Variants in SLC26A7 observed in about 807,000 individuals in gnomAD.
SLC26A7 encodes anion exchange transporter.
SLC26A7 carries 59 observed loss-of-function variants against 82.5 expected under a neutral mutation model. The observed-to-expected ratio is 0.72, with a 90% CI of 0.58 to 0.89. The LOEUF is 0.89. SLC26A7 is among the 40% of genes least tolerant of loss of function. The pLI is 0.00. For missense variants in SLC26A7, 820 were observed against 793.0 expected (o/e 1.03, Z -0.41); for synonymous variants, 271 against 274.3 (o/e 0.99, Z 0.12).
intron 2 of SLC26A7, among the ~76,000 whole-genome samples, chr8:91,234,485 T>C (rs982831792): frequency 4.6e-5 from 7 of 152,086 alleles, no homozygotes; most frequent in Middle Eastern, 6.8e-3. Context: ...TTCTGTTTTT[T>C]TTTTTTTAAT....
At position 91,323,263 on chromosome 8, in the gene SLC26A7, G is replaced by A. The variant is rs142401245; in HGVS notation, c.642+4883G>A. 5.6e-4 allele frequency among the ~76,000 whole-genome samples: 86 copies of A among 152,342 alleles called. 1 individual carries two copies. The highest frequency in any genetic ancestry group is 1.9e-3 in the African/African-American group (81 of 41,586). ...TCATCTGTAACTTGATTCAATCAGT[G>A]ATGCAGGGGATAGAAGATGTGGCAG... is the stretch of plus-strand genomic sequence containing the variant. On this transcript the variant is annotated intron_variant, in intron 5 of 18. Coordinates refer to ENST00000276609, the MANE Select transcript of SLC26A7 (RefSeq NM_052832.4).
chr8:91,277,678 C>G (rs1811441445), intron 2 of SLC26A7, among the ~76,000 whole-genome samples: 1 of 152,132 alleles, frequency 6.6e-6, no homozygotes, highest in Non-Finnish European at 1.5e-5. Flanking sequence ...ATTTATGTTT[C>G]TGTATAAGAA....
At chr8:91,314,355 C>G (rs1175842972) in intron 4 of SLC26A7, among the ~76,000 whole-genome samples, 1 of 152,174 alleles carries the variant, frequency 6.6e-6, no homozygotes, top group East Asian at 1.9e-4. Context: ...CTGTGGGCCC[C>G]TCTTGCAAAG....
chr8:91,236,688 G>T (rs1810397668), intron 2 of SLC26A7, among the ~76,000 whole-genome samples: 1 of 151,876 alleles, frequency 6.6e-6, no homozygotes, highest in Admixed American at 6.6e-5. Context: ...TATTGTTAAA[G>T]TTATACAGGA....
intron 4 of SLC26A7, among the ~76,000 whole-genome samples, chr8:91,298,524 C>T (rs921931003): frequency 1.3e-5 from 2 of 151,964 alleles, no homozygotes; most frequent in Non-Finnish European, 2.9e-5. Context: ...GGTATTAATA[C>T]GATCTTCAAG....
chr8:91,344,933 G>GTTTTTTTT (rs896293507), intron 9 of SLC26A7, among the ~76,000 whole-genome samples: 2 of 148,132 alleles, frequency 1.4e-5, no homozygotes, highest in Non-Finnish European at 3.0e-5. Context: ...TCCTATAGCA[G>GTTTTTTTT]TTTTTTTTTT....
intron 11 of SLC26A7, among the ~76,000 whole-genome samples, chr8:91,358,167 G>A (rs1813928875): frequency 6.6e-6 from 1 of 152,136 alleles, no homozygotes; most frequent in African/African-American, 2.4e-5. Context: ...TGGTGGGACT[G>A]TAAACTAGTT....
At chr8:91,306,113 C>T (rs534497633) in intron 4 of SLC26A7, among the ~76,000 whole-genome samples, 1 of 152,314 alleles carries the variant, frequency 6.6e-6, no homozygotes, top group African/African-American at 2.4e-5. Context: ...AGTTTTGTTA[C>T]TTCCAGACTT....
chr8:91,312,278 T>C (rs1442160137), intron 4 of SLC26A7, among the ~76,000 whole-genome samples: 1 of 152,210 alleles, frequency 6.6e-6, no homozygotes, highest in Non-Finnish European at 1.5e-5. Flanking sequence ...GTTACATTTT[T>C]GGAATTTCCT....
chr8:91,283,581 T>G (rs1811630655), intron 2 of SLC26A7, among the ~76,000 whole-genome samples: 1 of 152,338 alleles, frequency 6.6e-6, no homozygotes, highest in South Asian at 2.1e-4. Context: ...TAACTCTTAC[T>G]CTTTCTCTTA....
At chr8:91,263,961 A>G (rs1038597134) in intron 2 of SLC26A7, among the ~76,000 whole-genome samples, 7 of 150,954 alleles carry the variant, frequency 4.6e-5, no homozygotes, top group African/African-American at 1.7e-4. Context: ...AGGGATTATC[A>G]TTCCATTTTT....
chr8:91,264,683 G>C (rs1370698220), intron 2 of SLC26A7, among the ~76,000 whole-genome samples: 1 of 151,990 alleles, frequency 6.6e-6, no homozygotes, highest in Non-Finnish European at 1.5e-5. Context: ...TTCTTTAAGA[G>C]TGTTTACTTT....
At chr8:91,345,674 C>T (rs147007819) in intron 9 of SLC26A7, among the ~76,000 whole-genome samples, 4 of 152,226 alleles carry the variant, frequency 2.6e-5, no homozygotes, top group Admixed American at 6.5e-5. Flanking sequence ...GCCCACTGTG[C>T]GGCAGGATCT....
chr8:91,211,015 C>T (rs536436997), intron 1 of SLC26A7, among the ~76,000 whole-genome samples: 5 of 152,102 alleles, frequency 3.3e-5, no homozygotes, highest in Non-Finnish European at 7.4e-5. Context: ...GAGAGATCAC[C>T]TACAAAGCAG....
chr8:91,325,960 GT>G (rs962998829), intron 5 of SLC26A7, among the ~76,000 whole-genome samples: 1 of 152,022 alleles, frequency 6.6e-6, no homozygotes, highest in Non-Finnish European at 1.5e-5. Flanking sequence ...GATTTCTGAG[GT>G]TTTTTTCTGA....
At chr8:91,234,870 T>G (rs1166927916) in intron 2 of SLC26A7, among the ~76,000 whole-genome samples, 1 of 148,554 alleles carries the variant, frequency 6.7e-6, no homozygotes, top group African/African-American at 2.5e-5. Flanking sequence ...CTTCCTTCCC[T>G]TCTTCCCTCC....
intron 4 of SLC26A7, among the ~76,000 whole-genome samples, chr8:91,300,626 T>C (rs898394092): frequency 6.6e-6 from 1 of 152,148 alleles, no homozygotes; most frequent in African/African-American, 2.4e-5. Flanking sequence ...CTCGATCTCC[T>C]GACCTCGTGA....
chr8:91,340,303 C>G, intron 7 of SLC26A7, 101 bp from the exon 8 acceptor site: 1 of 1,413,004 alleles, frequency 7.1e-7, no homozygotes, highest in South Asian at 1.3e-5. Flanking sequence ...TTCACTTAGT[C>G]TATGTAAACT....
intron 12 of SLC26A7, 112 bp from the exon 13 acceptor site, chr8:91,363,360 A>C (rs1468280800): frequency 1.7e-6 from 1 of 599,564 alleles, no homozygotes; most frequent in Non-Finnish European, 2.9e-6. Flanking sequence ...GTTATAGGAT[A>C]TAAATCATCT....
Sources: gnomAD v4.1 joint callset for allele counts (sites outside exome capture counted in the v4.1 genomes callset) on GRCh38, gnomAD v4.1.1 for gene constraint, MANE v1.5 for transcripts, NCBI Gene and HGNC (gene_info 2026-07-23, HGNC 2026-07-21) for gene names.